The following TRPV5 variants were observed in gnomAD, a reference collection of about 807,000 sequenced individuals.
TRPV5 encodes the protein calcium transport protein 2.
Under a neutral mutation model 74.1 loss-of-function variants are expected in TRPV5, and 66 were observed. That is an observed-to-expected ratio of 0.89 (90% CI 0.73 to 1.09). The LOEUF is 1.09. TRPV5 is among the 50% of genes least tolerant of loss of function. The pLI is 0.00. For synonymous variants in TRPV5, 399 were observed against 360.7 expected, an observed-to-expected ratio of 1.11 and a Z score of -1.20; for missense variants, 936 against 930.4, an observed-to-expected ratio of 1.01 and a Z score of -0.08.
At chr7:142,910,731 GTTC>G (rs1795690415) in intron 13 of TRPV5, among the ~76,000 whole-genome samples, 1 of 152,176 alleles carries the variant, frequency 6.6e-6, no homozygotes, top group Admixed American at 6.5e-5. Context: ...CTGGATAGCT[GTTC>G]TTCTTTGCCT....
chr7:142,925,012 G>T (rs1171374787), intron 8 of TRPV5: 1 of 174,654 alleles, frequency 5.7e-6, no homozygotes, highest in Non-Finnish European at 1.2e-5. Flanking sequence ...ACTTCAGCCT[G>T]ATACCCAATC....
chr7:142,919,887 G>T (rs914506351), intron 8 of TRPV5, among the ~76,000 whole-genome samples: 1 of 152,178 alleles, frequency 6.6e-6, no homozygotes, highest in Non-Finnish European at 1.5e-5. Context: ...AGAACCAGTT[G>T]TCCAGCCCAG....
intron 7 of TRPV5, among the ~76,000 whole-genome samples, chr7:142,926,474 A>G (rs899671996): frequency 2.6e-5 from 4 of 152,198 alleles, no homozygotes; most frequent in African/African-American, 9.7e-5. Context: ...CAGCATGAAT[A>G]TCTTTTCTAC....
At chr7:142,914,527 CAA>C (rs137964684) in intron 12 of TRPV5, 111 bp downstream of exon 12, 2 of 972,794 alleles carry the variant, frequency 2.1e-6, no homozygotes, top group East Asian at 2.6e-5. Flanking sequence ...AAAAAACAAA[CAA>C]AAAAAAAGAA....
chr7:142,926,397 C>T (rs778306391), intron 7 of TRPV5, among the ~76,000 whole-genome samples: 8 of 151,916 alleles, frequency 5.3e-5, no homozygotes, highest in South Asian at 2.1e-4. Context: ...GGATGATGGA[C>T]GGGAGGAGGC....
chr7:142,921,377 G>A (rs1184865436), intron 8 of TRPV5, among the ~76,000 whole-genome samples: 2 of 152,106 alleles, frequency 1.3e-5, no homozygotes, highest in Non-Finnish European at 2.9e-5. Flanking sequence ...TGACTCCCAC[G>A]TTCAAGCGAT....
At chr7:142,923,307 AG>A (rs2116593950) in intron 8 of TRPV5, among the ~76,000 whole-genome samples, 1 of 152,320 alleles carries the variant, frequency 6.6e-6, no homozygotes, top group South Asian at 2.1e-4. Context: ...GTAAGAAAAC[AG>A]TAGGAAAAAA....
chr7:142,925,469 G>A lies in TRPV5; in HGVS notation c.1122+60C>T, dbSNP rs4252436. The A allele has an allele frequency of 2.0e-3, 3,106 of 1,585,268 alleles. 50 individuals carry two copies. The African/African-American group carries it at 0.035, about 18-fold the overall frequency. On this transcript the variant is annotated intron_variant, in intron 8 of 14. Transcript: ENST00000265310. ...CATCGTCCCTGAGTAGCATGGCTTC[G>A]TTTCCAGCACCATCACCCCTTGATG...
At position 142,930,463 on chromosome 7, in the gene TRPV5, G is replaced by A. The variant is rs369608115; in HGVS notation, c.129-17C>T. ...TCTAGAATCCTGGGGAAAGGTGAAC[G>A]TGAGTTTGGAAGAGACAGTCATAGC... On this transcript the variant is annotated splice_polypyrimidine_tract_variant and intron_variant, in intron 1 of 14. Coordinates refer to ENST00000265310, the MANE Select transcript of TRPV5 (RefSeq NM_019841.7). The A allele has an allele frequency of 1.6e-5, 26 of 1,597,038 alleles. No individual in the cohort carries two copies. The highest frequency in any genetic ancestry group is 6.7e-5 in the Admixed American group (4 of 59,980).
At chr7:142,916,539 A>T (rs1795802299) in intron 8 of TRPV5, among the ~76,000 whole-genome samples, 1 of 152,256 alleles carries the variant, frequency 6.6e-6, no homozygotes, top group Non-Finnish European at 1.5e-5. Context: ...TAATTTCAAC[A>T]CATGCAAGCA....
chr7:142,926,010 A>C (rs1397376711), intron 7 of TRPV5, among the ~76,000 whole-genome samples: 2 of 152,208 alleles, frequency 1.3e-5, no homozygotes, highest in Middle Eastern at 3.2e-3. Flanking sequence ...GAGAGTTAGG[A>C]AAGATCATAC....
rs371333829 is a variant in TRPV5 at position 142,928,841 on chromosome 7, G to A, written c.612C>T (p.Ile204=). Reference sequence around the variant, plus strand: ...AGGCAAAGGTTTTGTTGGGCTGGAGGATGAGGATGTGTAATACTGTGTTTC... The same window carrying A: ...AGGCAAAGGTTTTGTTGGGCTGGAGAATGAGGATGTGTAATACTGTGTTTC... ...SLGNTVLHIL[I]LQPNKTFACQ... is the part of the protein sequence containing the mutation. The change falls in exon 6 of 15, where the codon ATC becomes ATT. Residue 204 remains isoleucine, a synonymous_variant. Transcript: ENST00000265310. The A allele has an allele frequency of 1.9e-6, 3 of 1,614,030 alleles. No homozygotes were observed. The African/African-American group carries it at 4.0e-5, about 22-fold the overall frequency.
intron 8 of TRPV5, 89 bp downstream of exon 8, chr7:142,925,440 G>A (rs1016932883): frequency 1.8e-5 from 25 of 1,391,036 alleles, no homozygotes; most frequent in Non-Finnish European, 2.4e-5. Context: ...AACCCAGAGC[G>A]TGGCATCGTC....
In TRPV5 at chr7:142,933,612, G is replaced by GGTGT; in HGVS notation, c.-157_-154dup. On this transcript the variant is annotated 5_prime_UTR_variant, in exon 1 of 15. The change abolishes the stop of an existing upstream ORF in the 5' untranslated region. Coordinates refer to ENST00000265310, the MANE Select transcript of TRPV5 (RefSeq NM_019841.7). ...TTGTGTATGCAGCATGCAGCTTGTA[G>GGTGT]GTGTGTGTGTGTGCATGCAGTATGT... 9.7e-7 allele frequency: 1 copy of GGTGT among 1,026,124 alleles called. No homozygotes were observed. Among genetic ancestry groups the GGTGT allele is most frequent in the Non-Finnish European group, 1.4e-6 (1 of 703,900 alleles). The allele number at this position is 1,026,124 out of a possible 1,614,324, so 63.6% of individuals were successfully genotyped here.
intron 8 of TRPV5, among the ~76,000 whole-genome samples, chr7:142,917,827 A>G (rs1483318507): frequency 6.6e-6 from 1 of 152,190 alleles, no homozygotes; most frequent in Non-Finnish European, 1.5e-5. Flanking sequence ...GCTCTACAAG[A>G]CCAGAATACA....
rs2116606578 is a variant in TRPV5 at position 142,929,021 on chromosome 7, C to T, written c.586+1G>A. 6.2e-7 allele frequency: 1 copy of T among 1,614,008 alleles called. No individual in the cohort carries two copies. Among genetic ancestry groups the T allele is most frequent in the Non-Finnish European group, 8.5e-7 (1 of 1,180,008 alleles). On this transcript the variant is annotated splice_donor_variant, in intron 5 of 14. Transcript: ENST00000265310. LOFTEE classifies it high-confidence loss of function. ...GCTCCCCTCCCCATCCCAGCTCTTACCCAGGGAGTCCTGGGCCCTGATGTC... is the reference window on the plus strand; with the variant it reads ...GCTCCCCTCCCCATCCCAGCTCTTATCCAGGGAGTCCTGGGCCCTGATGTC...
At position 142,908,280 on chromosome 7, in the gene TRPV5, CTGAGATGGG is replaced by C. The variant is rs1290822806; in HGVS notation, c.*225_*233del. The C allele has an allele frequency of 3.5e-6, 2 of 577,748 alleles. No homozygotes were observed. Among genetic ancestry groups the C allele is most frequent in the African/African-American group, 3.7e-5 (2 of 53,696 alleles). 35.8% of individuals were successfully genotyped at this position (577,748 alleles called of 1,614,324 possible). A position where few individuals can be genotyped will look rare whatever the true frequency, so the allele number is the denominator to read the frequency against. Reference sequence around the variant, plus strand: ...TCTTTAGTTGCCAACCTCCTTTTTCCTGAGATGGGTGACTTGCAAGAGCCCAGAAAATAC... The same window carrying C: ...TCTTTAGTTGCCAACCTCCTTTTTCCTGACTTGCAAGAGCCCAGAAAATAC... On this transcript the variant is annotated 3_prime_UTR_variant, in exon 15 of 15. Coordinates refer to ENST00000265310, the MANE Select transcript of TRPV5 (RefSeq NM_019841.7).
chr7:142,924,203 G>T (rs972841952), intron 8 of TRPV5, among the ~76,000 whole-genome samples: 1 of 143,166 alleles, frequency 7.0e-6, no homozygotes, highest in African/African-American at 2.6e-5. Flanking sequence ...AGTGTATCTG[G>T]ACACATGACA....
At chr7:142,927,457 T>C (rs1398341553) in intron 7 of TRPV5, among the ~76,000 whole-genome samples, 1 of 152,226 alleles carries the variant, frequency 6.6e-6, no homozygotes, top group Non-Finnish European at 1.5e-5. Flanking sequence ...CACAGGGTAA[T>C]TTATAAATAA....
Sources: allele counts gnomAD v4.1 joint callset (sites outside exome capture counted in the v4.1 genomes callset), GRCh38; gene constraint gnomAD v4.1.1; transcripts MANE v1.5; gene names NCBI Gene and HGNC (gene_info 2026-07-23, HGNC 2026-07-21).